LDAH: variants seen among roughly 807,000 people sequenced by gnomAD.
The protein encoded by LDAH is lipid droplet-associated hydrolase.
LDAH carries 26 observed loss-of-function variants against 29.6 expected under a neutral mutation model. That is an observed-to-expected ratio of 0.88 (90% confidence interval 0.64 to 1.22). LDAH has a LOEUF of 1.22. LDAH is among the 50% of genes most tolerant of loss of function. LDAH has a pLI of 0.00. For synonymous variants in LDAH, 117 were observed against 133.0 expected, an observed-to-expected ratio of 0.88 and a Z score of 0.83; for missense variants, 344 against 387.3, an observed-to-expected ratio of 0.89 and a Z score of 0.94.
intron 4 of LDAH, 95 bp downstream of exon 4, chr2:20,774,715 A>C: frequency 1.6e-6 from 2 of 1,247,208 alleles, no homozygotes; most frequent in Middle Eastern, 2.7e-4. Context: ...TCTATTTATC[A>C]ACTGAACAAG....
intron 4 of LDAH, among the ~76,000 whole-genome samples, chr2:20,759,519 T>C (rs1392746463): frequency 6.6e-6 from 1 of 152,198 alleles, no homozygotes; most frequent in Non-Finnish European, 1.5e-5. Flanking sequence ...GTTCACAGAT[T>C]TTCCATACAA....
intron 5 of LDAH, among the ~76,000 whole-genome samples, chr2:20,710,915 G>C (rs982396712): frequency 1.3e-5 from 2 of 152,064 alleles, no homozygotes; most frequent in Non-Finnish European, 2.9e-5. Flanking sequence ...TTATCTGGCA[G>C]AGTTGACTTT....
intron 6 of LDAH, among the ~76,000 whole-genome samples, chr2:20,692,628 C>A (rs1663118058): frequency 6.6e-6 from 1 of 152,154 alleles, no homozygotes; most frequent in Non-Finnish European, 1.5e-5. Context: ...TTGGTGTTAA[C>A]CTTATGGATA....
Position 20,813,288 on chromosome 2 carries a change from T to A in LDAH, c.-3+9749A>T, listed in dbSNP as rs115338235. Reference sequence around the variant, plus strand: ...ATTCTTCTATAATTATACACAAATATATGTTAAGCATTTATGTATTTTTTC... The same window carrying A: ...ATTCTTCTATAATTATACACAAATAAATGTTAAGCATTTATGTATTTTTTC... On this transcript the variant is annotated intron_variant, in intron 1 of 6. Coordinates refer to ENST00000237822, the MANE Select transcript of LDAH (RefSeq NM_021925.4). Among the ~76,000 whole-genome samples the A allele has an allele frequency of 7.4e-3, 1,122 of 152,308 alleles. 12 individuals carry two copies. Among genetic ancestry groups the A allele is most frequent in the African/African-American group, 0.024 (989 of 41,564 alleles).
intron 6 of LDAH, among the ~76,000 whole-genome samples, chr2:20,688,815 T>G (rs935210047): frequency 6.7e-6 from 1 of 149,162 alleles, no homozygotes; most frequent in Non-Finnish European, 1.5e-5. Flanking sequence ...CTGAATTGCT[T>G]CATGGAGGTT....
rs115814014 is a variant in LDAH at position 20,748,751 on chromosome 2, A to G, written c.469-8546T>C. Among the ~76,000 whole-genome samples, 894 of 152,356 alleles carry G rather than the reference A, an allele frequency of 5.9e-3. 7 individuals are homozygous for G. Among genetic ancestry groups the G allele is most frequent in the Non-Finnish European group, 9.3e-3 (633 of 68,040 alleles). On this transcript the variant is annotated intron_variant, in intron 4 of 6. Coordinates refer to ENST00000237822, the MANE Select transcript of LDAH (RefSeq NM_021925.4). ...TAAGGTCTATAGCTACAAAATTCTC[A>G]CATGACTACTATGGCCTTTGGCAAT...
intron 2 of LDAH, 81 bp from the exon 3 acceptor site, chr2:20,790,479 C>G: frequency 8.3e-7 from 1 of 1,208,664 alleles, no homozygotes; most frequent in Non-Finnish European, 1.2e-6. Context: ...AAAGATGGGT[C>G]TGTTTCTTTT....
intron 4 of LDAH, among the ~76,000 whole-genome samples, chr2:20,755,103 C>T (rs1298412638): frequency 6.7e-6 from 1 of 148,568 alleles, no homozygotes; most frequent in Admixed American, 6.8e-5. Context: ...TCAAACGGTT[C>T]AAGAAGAAAT....
chr2:20,801,976 G>C (rs1671722497), intron 1 of LDAH, among the ~76,000 whole-genome samples: 2 of 150,588 alleles, frequency 1.3e-5, no homozygotes, highest in African/African-American at 4.9e-5. Flanking sequence ...GTGTGTGTGT[G>C]TATGTATGAA....
intron 1 of LDAH, among the ~76,000 whole-genome samples, chr2:20,815,903 TC>T: frequency 6.6e-6 from 1 of 152,266 alleles, no homozygotes; most frequent in Admixed American, 6.5e-5. Context: ...GTTTCTTAAA[TC>T]ATATTTGATA....
At chr2:20,688,828 CTTTTTTTTTTTTT>C (rs57543886) in intron 6 of LDAH, among the ~76,000 whole-genome samples, 2 of 112,008 alleles carry the variant, frequency 1.8e-5, no homozygotes, top group South Asian at 3.2e-4. Context: ...TGGAGGTTTC[CTTTTTTTTTTTTT>C]TTTTTTTTTT....
chr2:20,815,219 C>T (rs1672768604), intron 1 of LDAH, among the ~76,000 whole-genome samples: 1 of 151,954 alleles, frequency 6.6e-6, no homozygotes, highest in African/African-American at 2.4e-5. Flanking sequence ...AACTTGAAAA[C>T]AGATCAACAG....
In LDAH at chr2:20,684,795, A is replaced by G; in HGVS notation, c.*2108T>C. 7.0e-7 allele frequency: 1 copy of G among 1,424,478 alleles called. No individual in the cohort carries two copies. Among genetic ancestry groups the G allele is most frequent in the East Asian group, 2.5e-5 (1 of 39,430 alleles). The allele number at this position is 1,424,478 out of a possible 1,614,324, so 88.2% of individuals were successfully genotyped here. ...GTTAAAACTTTCACAAAGACCATCCATGTGGTTGACTGGGACATACAGGCA... is the reference window on the plus strand; with the variant it reads ...GTTAAAACTTTCACAAAGACCATCCGTGTGGTTGACTGGGACATACAGGCA... On this transcript the variant is annotated 3_prime_UTR_variant, in exon 7 of 7. Coordinates refer to ENST00000237822, the MANE Select transcript of LDAH (RefSeq NM_021925.4).
At chr2:20,703,694 C>T (rs1471050473) in intron 5 of LDAH, among the ~76,000 whole-genome samples, 1 of 152,182 alleles carries the variant, frequency 6.6e-6, no homozygotes, top group East Asian at 1.9e-4. Context: ...TTCCTGGAGA[C>T]CTCCTTTCCA....
intron 4 of LDAH, among the ~76,000 whole-genome samples, chr2:20,750,335 A>G (rs1226702780): frequency 2.6e-5 from 4 of 152,154 alleles, no homozygotes; most frequent in African/African-American, 9.7e-5. Context: ...CTGCCTTACT[A>G]AACTTCTGAG....
At chr2:20,779,308 C>T (rs867827392) in intron 3 of LDAH, among the ~76,000 whole-genome samples, 16 of 151,632 alleles carry the variant, frequency 1.1e-4, no homozygotes, top group African/African-American at 3.4e-4. Flanking sequence ...ATTGAGAACA[C>T]ATGGACACAG....
intron 1 of LDAH, among the ~76,000 whole-genome samples, chr2:20,809,267 C>T (rs560281233): frequency 2.3e-4 from 35 of 151,134 alleles, no homozygotes; most frequent in African/African-American, 7.4e-4. Context: ...CGCTTGGTGG[C>T]GCGTGCCTGT....
chr2:20,819,994 T>C (rs1244621781), intron 1 of LDAH, among the ~76,000 whole-genome samples: 1 of 151,872 alleles, frequency 6.6e-6, no homozygotes, highest in Non-Finnish European at 1.5e-5. Context: ...AGCCAAATCA[T>C]GAGTGAACTC....
At chr2:20,810,428 A>G (rs1672388352) in intron 1 of LDAH, among the ~76,000 whole-genome samples, 1 of 152,232 alleles carries the variant, frequency 6.6e-6, no homozygotes, top group African/African-American at 2.4e-5. Flanking sequence ...CATGTTAGAC[A>G]GAAGCCCATC....
Sources: allele counts gnomAD v4.1 joint callset (sites outside exome capture counted in the v4.1 genomes callset), GRCh38; gene constraint gnomAD v4.1.1; transcripts MANE v1.5; gene names NCBI Gene and HGNC (gene_info 2026-07-23, HGNC 2026-07-21).